The following NEDD9 variants were observed in gnomAD, a reference collection of about 807,000 sequenced individuals.
NEDD9 encodes enhancer of filamentation 1.
NEDD9 carries 26 observed loss-of-function variants against 76.6 expected under a neutral mutation model. That is an observed-to-expected ratio of 0.34 (90% CI 0.25 to 0.47). The LOEUF is 0.47. Among genes scored for constraint, NEDD9 ranks in the 20% least tolerant of loss-of-function variants. NEDD9 has a pLI of 1.00. For synonymous variants in NEDD9, 392 were observed against 414.2 expected (o/e 0.95, Z 0.65); for missense variants, 937 against 1,058.5 (o/e 0.89, Z 1.59).
At chr6:11,219,742 C>T (rs1759083315) in intron 1 of NEDD9, among the ~76,000 whole-genome samples, 1 of 152,218 alleles carries the variant, frequency 6.6e-6, no homozygotes. Flanking sequence ...CGGCTTTGGT[C>T]TGAGAACTGC....
At chr6:11,229,461 GCGCAGAGACCCTTCCA>G (rs1448061420) in intron 1 of NEDD9, among the ~76,000 whole-genome samples, 4 of 152,126 alleles carry the variant, frequency 2.6e-5, no homozygotes, top group Admixed American at 1.3e-4. Flanking sequence ...AAACACAGCT[GCGCAGAGACCCTTCCA>G]TCACCCTCCT....
intron 1 of NEDD9, among the ~76,000 whole-genome samples, chr6:11,220,580 C>G (rs1051183136): frequency 1.3e-5 from 2 of 152,220 alleles, no homozygotes; most frequent in African/African-American, 4.8e-5. Flanking sequence ...ACATCTCTTC[C>G]ACACTGGCCA....
At chr6:11,290,732 C>G (rs1055743936) in intron 3 of NEDD9, among the ~76,000 whole-genome samples, 5 of 152,202 alleles carry the variant, frequency 3.3e-5, no homozygotes, top group African/African-American at 1.2e-4. Context: ...CTGCGCTGGG[C>G]TGTCACTGAC....
At chr6:11,216,857 A>ATATT (rs1758969375) in intron 1 of NEDD9, among the ~76,000 whole-genome samples, 2 of 152,114 alleles carry the variant, frequency 1.3e-5, no homozygotes, top group Admixed American at 1.3e-4. Flanking sequence ...TACCTATCTG[A>ATATT]TATTTATCTT....
At chr6:11,207,647 A>G (rs1758651383) in intron 2 of NEDD9, 1 of 152,240 alleles carries the variant, frequency 6.6e-6, no homozygotes, top group Non-Finnish European at 1.5e-5. Context: ...AGACCATCAC[A>G]CACATTGCAA....
intron 1 of NEDD9, among the ~76,000 whole-genome samples, chr6:11,375,963 T>G (rs945844628): frequency 1.7e-4 from 26 of 152,206 alleles, no homozygotes; most frequent in Non-Finnish European, 2.6e-4. Context: ...TAGCTGGGAC[T>G]ACAGGCGCCC....
At chr6:11,367,755 G>A (rs1479679382) in intron 1 of NEDD9, among the ~76,000 whole-genome samples, 2 of 152,184 alleles carry the variant, frequency 1.3e-5, no homozygotes, top group African/African-American at 4.8e-5. Context: ...AAACTCCCTA[G>A]CTCAATCATT....
At chr6:11,286,191 C>T (rs1043983152) in intron 3 of NEDD9, among the ~76,000 whole-genome samples, 3 of 152,126 alleles carry the variant, frequency 2.0e-5, no homozygotes, top group South Asian at 4.1e-4. Context: ...TTTGACCAGA[C>T]ATTTTATTAA....
intron 1 of NEDD9, among the ~76,000 whole-genome samples, chr6:11,342,195 T>C (rs1762287261): frequency 6.6e-6 from 1 of 152,088 alleles, no homozygotes; most frequent in South Asian, 2.1e-4. Context: ...CAAAGACCTA[T>C]GGAACAATAT....
rs535536901 is a variant in NEDD9, at chr6:11,242,134, C to T, written c.13-28407G>A. ...CAGTGTCCACCCTTGACTTGCCGAA[C>T]GGAGTATGGACGGAGCATTCCTTTC... On this transcript the variant is annotated intron_variant, in intron 3 of 3. Coordinates refer to the NEDD9 transcript ENST00000397378. 5.3e-5 allele frequency among the ~76,000 whole-genome samples: 8 copies of T among 152,240 alleles called. No individual in the cohort carries two copies. In the East Asian group the frequency reaches 9.6e-4, roughly 18 times the overall value.
chr6:11,214,633 C>T (rs898158865), intron 1 of NEDD9, among the ~76,000 whole-genome samples: 2 of 152,212 alleles, frequency 1.3e-5, no homozygotes, highest in African/African-American at 2.4e-5. Context: ...GCAGGCAGTA[C>T]GTGCTGACAT....
At chr6:11,191,792 A>G (rs1362370687) in intron 4 of NEDD9, among the ~76,000 whole-genome samples, 10 of 152,138 alleles carry the variant, frequency 6.6e-5, no homozygotes, top group African/African-American at 2.2e-4. Flanking sequence ...GGATCATTTA[A>G]GCCCATATGT....
upstream of NEDD9, among the ~76,000 whole-genome samples, chr6:11,236,325 C>T (rs1023990656): frequency 9.2e-5 from 14 of 152,192 alleles, no homozygotes; most frequent in Non-Finnish European, 1.6e-4. The surrounding 1 kb of genome is among the most constrained non-coding windows in gnomAD (Gnocchi z 5.5). Context: ...AAGCACTCTT[C>T]CTTCCAGATG....
rs550903555 is a variant in NEDD9, at chr6:11,339,386, C to A, written c.-213-4825G>T. The stretch of plus-strand genomic sequence containing the variant: ...ATTTCCAAGGTAATCACTTCTCAGC[C>A]TGGATGAGGCTGAGCCTTTCCACTG... On this transcript the variant is annotated intron_variant, in intron 1 of 3. Coordinates refer to the NEDD9 transcript ENST00000397378. Among the ~76,000 whole-genome samples the A allele has an allele frequency of 2.5e-4, 38 of 152,304 alleles. No individual in the cohort carries two copies. The South Asian group carries it at 7.9e-3, about 32-fold the overall frequency.
intron 3 of NEDD9, among the ~76,000 whole-genome samples, chr6:11,269,811 AAAAC>A (rs111917493): frequency 0.018 from 2,743 of 151,894 alleles, 37 homozygotes; most frequent in African/African-American, 0.043. Context: ...AAACCATTAA[AAAAC>A]AAACAAACAA....
intron 1 of NEDD9, chr6:11,214,192 T>C (rs747755231): frequency 1.9e-6 from 1 of 518,810 alleles, no homozygotes; most frequent in Non-Finnish European, 3.8e-6. Context: ...ACAGTACAAA[T>C]AGCATTTATA....
intron 3 of NEDD9, among the ~76,000 whole-genome samples, chr6:11,286,668 C>T (rs1238062986): frequency 6.6e-6 from 1 of 152,114 alleles, no homozygotes; most frequent in East Asian, 1.9e-4. Flanking sequence ...ATACATATTA[C>T]AACATAGATA....
At chr6:11,378,751 A>C (rs73722938) in intron 1 of NEDD9, among the ~76,000 whole-genome samples, 2,559 of 152,312 alleles carry the variant, frequency 0.017, 27 homozygotes, top group Middle Eastern at 0.044. Flanking sequence ...TGTTCAAAAA[A>C]ATTTATCATT....
intron 3 of NEDD9, among the ~76,000 whole-genome samples, chr6:11,254,881 G>A (rs894664967): frequency 2.0e-5 from 3 of 152,190 alleles, no homozygotes; most frequent in Admixed American, 2.0e-4. Flanking sequence ...TGCCACCTGC[G>A]ATTATTCCTA....
Sources: gnomAD v4.1 joint callset for allele counts (sites outside exome capture counted in the v4.1 genomes callset) on GRCh38, gnomAD v4.1.1 for gene constraint, Gnocchi (gnomAD v3.1) non-coding constraint, MANE v1.5 for transcripts, NCBI Gene and HGNC (gene_info 2026-07-23, HGNC 2026-07-21) for gene names.